The following PAX9 variants were observed in gnomAD, a reference collection of about 807,000 sequenced individuals.
PAX9 encodes paired box protein Pax-9.
PAX9 carries 6 observed loss-of-function variants against 29.1 expected under a neutral mutation model. The ratio of observed to expected loss-of-function variants is 0.21; its 90% CI spans 0.11 to 0.41. The LOEUF is 0.41. PAX9 is among the 10% of genes least tolerant of loss of function. The pLI, the probability that PAX9 is intolerant of heterozygous loss-of-function variation, is 1.00. For missense variants in PAX9, 443 were observed against 479.1 expected, an observed-to-expected ratio of 0.92 and a Z score of 0.70; for synonymous variants, 217 against 211.7, an observed-to-expected ratio of 1.03 and a Z score of -0.22.
chr14:36,661,857 C>T, upstream of PAX9: 1 of 618,906 alleles, frequency 1.6e-6, no homozygotes, highest in Non-Finnish European at 2.9e-6. Flanking sequence ...CCCTGCCCTG[C>T]TCAGCCCAGC....
At position 36,663,139 on chromosome 14, in the gene PAX9, G is replaced by A. The variant is rs1298237496; in HGVS notation, c.247G>A (p.Val83Met). ...GSKPRVTTPT[V>M]VKHIRTYKQR... Reference sequence around the variant, plus strand: ...CAAGCCCCGGGTCACTACCCCCACCGTGGTGAAACACATCCGGACCTACAA... The same window carrying A: ...CAAGCCCCGGGTCACTACCCCCACCATGGTGAAACACATCCGGACCTACAA... Residue 83 changes from valine to methionine, a missense_variant, in exon 2 of 4, where the codon GTG becomes ATG. Coordinates refer to ENST00000361487, the MANE Select transcript of PAX9 (RefSeq NM_001372076.1). 2 of 1,614,012 alleles carry A rather than the reference G, an allele frequency of 1.2e-6. No individual in the cohort carries two copies. The highest frequency in any genetic ancestry group is 8.5e-7 in the Non-Finnish European group (1 of 1,180,044).
At position 36,666,514 on chromosome 14, in the gene PAX9, G is replaced by C; in HGVS notation, c.684G>C (p.Leu228=). The change falls in exon 3 of 4, where the codon CTG becomes CTC. Residue 228 remains leucine (L), a synonymous_variant. Coordinates refer to ENST00000361487, the MANE Select transcript of PAX9 (RefSeq NM_001372076.1). ...HSPKVEEWSS[L]GRNNFPAAAP... ...CCAAGGTGGAGGAGTGGAGCAGCCT[G>C]GGCCGCAACAACTTCCCCGCCGCCG... The C allele has an allele frequency of 6.2e-7, 1 of 1,606,160 alleles. No homozygotes were observed. Among genetic ancestry groups the C allele is most frequent in the Non-Finnish European group, 8.5e-7 (1 of 1,176,746 alleles).
chr14:36,662,600 A>G, intron 1 of PAX9: 1 of 507,912 alleles, frequency 2.0e-6, no homozygotes, highest in South Asian at 2.7e-5. Flanking sequence ...GTCAAGACCG[A>G]TTTCTCCCCC....
intron 3 of PAX9, among the ~76,000 whole-genome samples, chr14:36,667,396 C>T (rs1346452412): frequency 6.6e-6 from 1 of 151,882 alleles, no homozygotes; most frequent in East Asian, 1.9e-4. Context: ...CTAAATTCAT[C>T]ACCGTCCTGG....
Position 36,662,069 on chromosome 14 carries a change from G to A in PAX9, c.-21G>A, listed in dbSNP as rs751280506. 2 of 1,536,564 alleles carry A rather than the reference G, an allele frequency of 1.3e-6. No individual in the cohort carries two copies. Among genetic ancestry groups the A allele is most frequent in the Non-Finnish European group, 1.8e-6 (2 of 1,137,822 alleles). On this transcript the variant is annotated 5_prime_UTR_variant, in exon 1 of 4. Transcript: ENST00000361487. ...TCTGGGAGTGCGGAACTGGGGCCGG[G>A]TTGGTGTACTGCTCGGAGCAATGGG...
chr14:36,675,358 G>A (rs1237014331), intron 3 of PAX9, among the ~76,000 whole-genome samples: 2 of 152,066 alleles, frequency 1.3e-5, no homozygotes, highest in East Asian at 1.9e-4. Context: ...CTGGTTTCTC[G>A]GCAGGCTCGC....
chr14:36,671,666 C>T (rs945188490), intron 3 of PAX9, among the ~76,000 whole-genome samples: 3 of 152,152 alleles, frequency 2.0e-5, no homozygotes, highest in African/African-American at 4.8e-5. Context: ...AGACAGTTTA[C>T]AATCTAGCCC....
At chr14:36,665,010 GA>G (rs1220872817) in intron 2 of PAX9, among the ~76,000 whole-genome samples, 2 of 152,042 alleles carry the variant, frequency 1.3e-5, no homozygotes, top group Admixed American at 6.5e-5. Context: ...CTCACAGGGG[GA>G]TCTCAATTTC....
intron 3 of PAX9, among the ~76,000 whole-genome samples, chr14:36,674,569 T>G (rs574619894): frequency 1.9e-3 from 290 of 152,350 alleles, no homozygotes; most frequent in Non-Finnish European, 3.0e-3. Context: ...AAATACACTT[T>G]AATTTCAGTT....
At chr14:36,658,148 C>T (rs758917532), upstream of PAX9, among the ~76,000 whole-genome samples, 4 of 152,154 alleles carry the variant, frequency 2.6e-5, no homozygotes, top group Non-Finnish European at 4.4e-5. Flanking sequence ...GGGGACATAG[C>T]AGAGGGCCGA....
At chr14:36,666,375 G>T in intron 2 of PAX9, 87 bp from the exon 3 acceptor site, 1 of 1,524,340 alleles carries the variant, frequency 6.6e-7, no homozygotes, top group Non-Finnish European at 8.8e-7. Context: ...AAGCCCTCCA[G>T]CTCTCCGTCG....
At chr14:36,672,357 C>A (rs1190352790) in intron 3 of PAX9, among the ~76,000 whole-genome samples, 2 of 152,092 alleles carry the variant, frequency 1.3e-5, no homozygotes, top group Admixed American at 1.3e-4. Flanking sequence ...AAACATTAAA[C>A]CGATTTGGGA....
At chr14:36,672,877 T>TTTTTTTTTTTTTTTTTTTTTTTTTTTTA (rs1881745765) in intron 3 of PAX9, among the ~76,000 whole-genome samples, 1 of 114,078 alleles carries the variant, frequency 8.8e-6, no homozygotes. Flanking sequence ...TTTTTTTTTT[T>TTTTTTTTTTTTTTTTTTTTTTTTTTTTA]TTTTTGAGAT....
chr14:36,660,053 G>C (rs984324786), upstream of PAX9, among the ~76,000 whole-genome samples: 2 of 152,314 alleles, frequency 1.3e-5, no homozygotes, highest in East Asian at 1.9e-4. Flanking sequence ...GTCTGTGAGG[G>C]GGGAGGAGGA....
In PAX9 at chr14:36,666,362, T is replaced by A. The variant is rs571641380; in HGVS notation, c.632-100T>A. On this transcript the variant is annotated intron_variant, in intron 2 of 3. Transcript: ENST00000361487. ...CCAAGGGCAGGGAGCCGACCCAAGG[T>A]CTAAGCCCTCCAGCTCTCCGTCGCG... The A allele has an allele frequency of 1.1e-4, 157 of 1,486,622 alleles. 3 individuals carry two copies. The South Asian group carries it at 1.8e-3, about 17-fold the overall frequency. 92.1% of individuals were successfully genotyped at this position (1,486,622 alleles called of 1,614,324 possible).
chr14:36,667,334 T>TC (rs924605223), intron 3 of PAX9, among the ~76,000 whole-genome samples: 19 of 151,674 alleles, frequency 1.3e-4, no homozygotes, highest in African/African-American at 3.6e-4. Context: ...GTTTTTATTT[T>TC]CCCCCCGAGA....
chr14:36,673,528 TCC>T (rs1491167773), intron 3 of PAX9, among the ~76,000 whole-genome samples: 33 of 4,496 alleles, frequency 7.3e-3, no homozygotes, highest in East Asian at 0.024. Flanking sequence ...AGGGCCATCT[TCC>T]AAGTGGGTCC....
upstream of PAX9, among the ~76,000 whole-genome samples, chr14:36,659,169 C>T (rs1183848685): frequency 6.6e-6 from 1 of 152,240 alleles, no homozygotes; most frequent in East Asian, 1.9e-4. Flanking sequence ...AGTCGAAATT[C>T]TTCCGATCTC....
upstream of PAX9, among the ~76,000 whole-genome samples, chr14:36,660,526 A>G (rs1239053301): frequency 3.9e-5 from 6 of 152,242 alleles, no homozygotes; most frequent in Admixed American, 3.9e-4. Flanking sequence ...TTGCAGAAGC[A>G]TGGCTGATCA....
Sources: allele counts gnomAD v4.1 joint callset (sites outside exome capture counted in the v4.1 genomes callset), GRCh38; gene constraint gnomAD v4.1.1; transcripts MANE v1.5; gene names NCBI Gene and HGNC (gene_info 2026-07-23, HGNC 2026-07-21).